Variants in EMX1 observed in about 807,000 individuals in gnomAD.
EMX1 encodes the protein empty spiracles homeobox 1.
A neutral mutation model predicts 20.1 loss-of-function variants in EMX1; 10 were observed. The observed-to-expected ratio is 0.50, with a 90% CI of 0.31 to 0.84. EMX1 has a LOEUF of 0.84. Among genes scored for constraint, EMX1 ranks in the 40% least tolerant of loss-of-function variants. The pLI is 0.05. For synonymous variants in EMX1, 250 were observed against 200.4 expected (o/e 1.25, Z -2.09); for missense variants, 424 against 431.9 (o/e 0.98, Z 0.16).
Position 72,917,619 on chromosome 2 carries a change from C to G in EMX1, c.-234C>G, listed in dbSNP as rs1055804193. On this transcript the variant is annotated 5_prime_UTR_variant, in exon 1 of 3. Transcript: ENST00000258106. The stretch of plus-strand genomic sequence containing the variant: ...CAGCGGGACTCCGAAAGGAGGGAGA[C>G]GAGCTCAACCCTCGGGCCTTACTGG... The G allele has an allele frequency of 4.9e-4, 117 of 237,630 alleles. No homozygotes were observed. The highest frequency in any genetic ancestry group is 6.5e-4 in the Non-Finnish European group (83 of 126,746). The allele number at this position is 237,630 out of a possible 1,614,324, so 14.7% of individuals were successfully genotyped here. A position where few individuals can be genotyped will look rare whatever the true frequency, so the allele number is the denominator to read the frequency against.
chr2:72,919,219 GTTTCAAT>G (rs1671057378), intron 1 of EMX1, among the ~76,000 whole-genome samples: 1 of 124,906 alleles, frequency 8.0e-6, no homozygotes, highest in Admixed American at 7.6e-5. Context: ...ACACACACAC[GTTTCAAT>G]TATTTGTCTT....
chr2:72,918,748 C>A (rs955597535), intron 1 of EMX1, among the ~76,000 whole-genome samples: 1 of 152,254 alleles, frequency 6.6e-6, no homozygotes, highest in African/African-American at 2.4e-5. Flanking sequence ...GGCTTAACCT[C>A]GCACCACGCT....
rs1325125087 is a variant in EMX1 at position 72,934,880 on chromosome 2, C to T, written c.*926C>T. ...GCTTAAGGCTGAGCCTGCAACCAGTCCCCAGTGACTCAGGGCCTCCTCAGC... is the reference window on the plus strand; with the variant it reads ...GCTTAAGGCTGAGCCTGCAACCAGTTCCCAGTGACTCAGGGCCTCCTCAGC... On this transcript the variant is annotated 3_prime_UTR_variant, in exon 3 of 3. Transcript: ENST00000258106. 3 of 152,194 alleles carry T rather than the reference C, an allele frequency of 2.0e-5. No individual in the cohort carries two copies. The highest frequency in any genetic ancestry group is 7.2e-5 in the African/African-American group (3 of 41,418). 9.4% of individuals were successfully genotyped at this position (152,194 alleles called of 1,614,324 possible).
At chr2:72,928,081 G>A (rs1190124857) in intron 2 of EMX1, among the ~76,000 whole-genome samples, 5 of 152,224 alleles carry the variant, frequency 3.3e-5, no homozygotes, top group Admixed American at 3.3e-4. Flanking sequence ...GCTAGGAGGT[G>A]GGCAACCTGG....
At position 72,924,362 on chromosome 2, in the gene EMX1, C is replaced by T; in HGVS notation, c.574C>T (p.Pro192Ser). The change falls in exon 2 of 3, where the codon CCC (proline) becomes TCC (serine). Residue 192 changes from proline (P) to serine (S), a missense_variant. Coordinates refer to ENST00000258106, the MANE Select transcript of EMX1 (RefSeq NM_004097.3). ...TCTGCACGGCCCCTTCGCACGCAAG[C>T]CCAAGCGGATCCGCACGGCCTTCTC... The part of the protein sequence containing the change: ...LLLHGPFARK[P>S]KRIRTAFSPS... 2 of 1,589,054 alleles carry T rather than the reference C, an allele frequency of 1.3e-6. No individual in the cohort carries two copies. Among genetic ancestry groups the T allele is most frequent in the Non-Finnish European group, 1.7e-6 (2 of 1,173,556 alleles).
rs553665886 is a variant in EMX1 at position 72,930,093 on chromosome 2, AC to A, written c.706-3690del. Among the ~76,000 whole-genome samples the A allele has an allele frequency of 1.2e-3, 183 of 152,162 alleles. No homozygotes were observed. The highest frequency in any genetic ancestry group is 4.2e-3 in the African/African-American group (175 of 41,510). ...CAAAGCCTTTGCTGATTAGAATTCT[AC>A]CCCTCTTCTGTTCATTTTCTCCTGT... On this transcript the variant is annotated intron_variant, in intron 2 of 2. Coordinates refer to ENST00000258106, the MANE Select transcript of EMX1 (RefSeq NM_004097.3). The surrounding 1 kb of genome is among the most constrained non-coding windows in gnomAD (Gnocchi z 4.4).
Position 72,918,214 on chromosome 2 carries a change from A to T in EMX1, c.362A>T (p.Glu121Val). 1 of 1,568,610 alleles carries T rather than the reference A, an allele frequency of 6.4e-7. No individual in the cohort carries two copies. Among genetic ancestry groups the T allele is most frequent in the South Asian group, 1.1e-5 (1 of 87,784 alleles). ...GGTGGGCCCGAGCTCGTGTTCCCCGAGGCCATGAACCACCCCGCGCTGACC... is the reference window on the plus strand; with the variant it reads ...GGTGGGCCCGAGCTCGTGTTCCCCGTGGCCATGAACCACCCCGCGCTGACC... ...LYGGPELVFP[E>V]AMNHPALTVH... The change falls in exon 1 of 3, where the codon GAG becomes GTG. Residue 121 changes from glutamate to valine, a missense_variant. Glu to Val is a moderately radical substitution (Grantham distance 121). Around this residue, in one of 2 missense-constraint regions of EMX1, gnomAD observed 333 missense variants for 296.6 expected, o/e 1.12. Coordinates refer to ENST00000258106, the MANE Select transcript of EMX1 (RefSeq NM_004097.3).
At position 72,934,006 on chromosome 2, in the gene EMX1, G is replaced by T. The variant is rs1452923107; in HGVS notation, c.*52G>T. Reference sequence around the variant, plus strand: ...CAGAGTGCTGCTTGCTGCTGGCCAGGCCCCTGCGTGGGCCCAAGCTGGACT... The same window carrying T: ...CAGAGTGCTGCTTGCTGCTGGCCAGTCCCCTGCGTGGGCCCAAGCTGGACT... On this transcript the variant is annotated 3_prime_UTR_variant, in exon 3 of 3. Transcript: ENST00000258106. 1.9e-6 allele frequency: 3 copies of T among 1,604,744 alleles called. No homozygotes were observed. Among genetic ancestry groups the T allele is most frequent in the Non-Finnish European group, 2.6e-6 (3 of 1,174,906 alleles).
At chr2:72,924,915 T>A (rs939496450) in intron 2 of EMX1, among the ~76,000 whole-genome samples, 38 of 152,226 alleles carry the variant, frequency 2.5e-4, no homozygotes, top group African/African-American at 9.2e-4. Context: ...CTCATAGTCC[T>A]GCGGGGAGCC....
intron 2 of EMX1, chr2:72,925,574 T>C (rs1195724789): frequency 1.2e-5 from 15 of 1,285,468 alleles, no homozygotes; most frequent in Admixed American, 4.6e-5. Flanking sequence ...ACCTCCCGGC[T>C]GACTTTTCAC....
chr2:72,918,058 T>C lies in EMX1; in HGVS notation c.206T>C (p.Leu69Pro). Residue 69 changes from leucine (L) to proline (P), a missense_variant, in exon 1 of 3, where the codon CTG becomes CCG. Leu to Pro is a moderately conservative substitution (Grantham distance 98, BLOSUM62 -3). Around this residue, in one of 2 missense-constraint regions of EMX1, gnomAD observed 333 missense variants for 296.6 expected, o/e 1.12. Transcript: ENST00000258106. ...TGGGGAGSHLLAAAASEEPLR... is the reference protein window; with the variant it reads ...TGGGGAGSHLPAAAASEEPLR... ...GGCGGGGGCGCGGGCTCCCATCTCCTGGCGGCGGCCGCCTCCGAGGAACCG... is the reference window on the plus strand; with the variant it reads ...GGCGGGGGCGCGGGCTCCCATCTCCCGGCGGCGGCCGCCTCCGAGGAACCG... 7.1e-7 allele frequency: 1 copy of C among 1,415,208 alleles called. No homozygotes were observed. The highest frequency in any genetic ancestry group is 9.1e-7 in the Non-Finnish European group (1 of 1,094,404). The allele number at this position is 1,415,208 out of a possible 1,614,324, so 87.7% of individuals were successfully genotyped here. A position where few individuals can be genotyped will look rare whatever the true frequency, so the allele number is the denominator to read the frequency against.
chr2:72,924,903 C>A (rs531465231), intron 2 of EMX1, among the ~76,000 whole-genome samples: 3 of 152,358 alleles, frequency 2.0e-5, no homozygotes, highest in Admixed American at 6.5e-5. Flanking sequence ...TGTGTCGGGG[C>A]GCTCATAGTC....
In EMX1 at chr2:72,918,067, C is replaced by T. The variant is rs1415828860; in HGVS notation, c.215C>T (p.Ala72Val). Residue 72 changes from alanine (A) to valine (V), a missense_variant, in exon 1 of 3, where the codon GCC becomes GTC. This residue lies in a region of EMX1 where 333 missense variants were observed against 296.6 expected (regional missense o/e 1.12). Coordinates refer to ENST00000258106, the MANE Select transcript of EMX1 (RefSeq NM_004097.3). ...GGAGSHLLAAAASEEPLRPTA... is the reference protein window; with the variant it reads ...GGAGSHLLAAVASEEPLRPTA... ...GCGGGCTCCCATCTCCTGGCGGCGG[C>T]CGCCTCCGAGGAACCGCTCCGGCCC... 2.1e-6 allele frequency: 3 copies of T among 1,417,538 alleles called. No homozygotes were observed. Among genetic ancestry groups the T allele is most frequent in the Admixed American group, 3.2e-5 (1 of 31,634 alleles). The allele number at this position is 1,417,538 out of a possible 1,614,324, so 87.8% of individuals were successfully genotyped here. A position where few individuals can be genotyped will look rare whatever the true frequency, so the allele number is the denominator to read the frequency against.
intron 2 of EMX1, among the ~76,000 whole-genome samples, chr2:72,927,531 CTTAA>C (rs148200809): frequency 0.013 from 1,921 of 152,358 alleles, 25 homozygotes; most frequent in African/African-American, 0.044. Flanking sequence ...GTTGTTATTA[CTTAA>C]TTATCTGCCA....
chr2:72,925,923 A>G, intron 2 of EMX1: 2 of 985,444 alleles, frequency 2.0e-6, no homozygotes, highest in Non-Finnish European at 2.4e-6. Context: ...GAAAAAGCTT[A>G]CAAAACAAGA....
chr2:72,917,039 A>C, upstream of EMX1: 1 of 673,686 alleles, frequency 1.5e-6, no homozygotes. Flanking sequence ...GCAGCTTCAG[A>C]CCGCGGCCCA....
upstream of EMX1, chr2:72,917,339 G>A (rs1368793903): frequency 3.0e-5 from 12 of 404,616 alleles, no homozygotes; most frequent in East Asian, 4.3e-5. Flanking sequence ...GAGTCGCGAG[G>A]AGAAGCCAGT....
In EMX1 at chr2:72,934,011, T is replaced by A; in HGVS notation, c.*57T>A. 1.2e-6 allele frequency: 2 copies of A among 1,601,696 alleles called. No individual in the cohort carries two copies. On this transcript the variant is annotated 3_prime_UTR_variant, in exon 3 of 3. Coordinates refer to ENST00000258106, the MANE Select transcript of EMX1 (RefSeq NM_004097.3). ...TGCTGCTTGCTGCTGGCCAGGCCCC[T>A]GCGTGGGCCCAAGCTGGACTCTGGC...
At chr2:72,917,095 GC>G (rs1559056017), upstream of EMX1, 2 of 623,504 alleles carry the variant, frequency 3.2e-6, no homozygotes, top group South Asian at 3.8e-5. Flanking sequence ...GAGCAGGGGG[GC>G]AGAGAGCTGG....
Sources: allele counts gnomAD v4.1 joint callset (sites outside exome capture counted in the v4.1 genomes callset), GRCh38; gene constraint gnomAD v4.1.1; regional missense constraint gnomAD v4.1.1; non-coding constraint Gnocchi (gnomAD v3.1); transcripts MANE v1.5; gene names NCBI Gene and HGNC (gene_info 2026-07-23, HGNC 2026-07-21).